C17orf50: variants seen among roughly 807,000 people sequenced by gnomAD.
The protein encoded by C17orf50 is uncharacterized protein C17orf50.
C17orf50 carries 16 observed loss-of-function variants against 17.7 expected under a neutral mutation model. The observed-to-expected ratio is 0.90, with a 90% CI of 0.61 to 1.37. The LOEUF (loss-of-function observed/expected upper bound fraction) is 1.37, where lower values mean the gene tolerates loss of function less well. C17orf50 is among the 40% of genes most tolerant of loss of function. The pLI is 0.00. For synonymous variants in C17orf50, 125 were observed against 111.0 expected (o/e 1.13, Z -0.80); for missense variants, 271 against 240.7 (o/e 1.13, Z -0.83).
At chr17:35,761,138 C>T (rs1448010436) in intron 1 of C17orf50, among the ~76,000 whole-genome samples, 184 bp downstream of exon 1, 7 of 140,710 alleles carry the variant, frequency 5.0e-5, no homozygotes, top group Non-Finnish European at 1.1e-4. Context: ...GAGTCTTGCT[C>T]TATCACCCAG....
chr17:35,762,190 T>G (rs1273721609), intron 1 of C17orf50, among the ~76,000 whole-genome samples: 1 of 152,018 alleles, frequency 6.6e-6, no homozygotes, highest in East Asian at 1.9e-4. Context: ...GGGTTTCTCC[T>G]TGTTGGTCAG....
In C17orf50 at chr17:35,764,036, A is replaced by G; in HGVS notation, c.43A>G (p.Thr15Ala). The change falls in exon 2 of 3, where the codon ACG becomes GCG. Residue 15 changes from threonine (T) to alanine (A), a missense_variant. Thr to Ala is a moderately conservative substitution (Grantham distance 58, BLOSUM62 0). Coordinates refer to ENST00000605587, the MANE Select transcript of C17orf50 (RefSeq NM_145272.4). ...GVKTPLWKKETEELRAEDAEQ... is the reference protein window; with the variant it reads ...GVKTPLWKKEAEELRAEDAEQ... ...GAAGACCCCCTTGTGGAAGAAGGAA[A>G]CGGAAGAGCTCCGGGCCGAGGACGC... The G allele has an allele frequency of 1.9e-6, 3 of 1,547,526 alleles. No individual in the cohort carries two copies. The highest frequency in any genetic ancestry group is 2.0e-5 in the Admixed American group (1 of 50,792).
rs892978386 is a variant in C17orf50, at chr17:35,764,343, G to A, written c.332+18G>A. 1.4e-5 allele frequency: 20 copies of A among 1,461,290 alleles called. No individual in the cohort carries two copies. The highest frequency in any genetic ancestry group is 2.9e-5 in the African/African-American group (2 of 68,140). 90.5% of individuals were successfully genotyped at this position (1,461,290 alleles called of 1,614,324 possible). ...ACCGACAGGTGCCTGCGCGCTCCTC[G>A]ACCGGGGCACGAGGGAGGCGGTGCC... is the stretch of plus-strand genomic sequence containing the variant. On this transcript the variant is annotated intron_variant, in intron 2 of 2. Coordinates refer to ENST00000605587, the MANE Select transcript of C17orf50 (RefSeq NM_145272.4).
chr17:35,761,086 T>C, intron 1 of C17orf50, 132 bp downstream of exon 1: 1 of 971,596 alleles, frequency 1.0e-6, no homozygotes, highest in Non-Finnish European at 1.5e-6. Flanking sequence ...GCCCTCTCCT[T>C]TCGCCTTCCT....
chr17:35,764,529 A>G lies in C17orf50; in HGVS notation c.436A>G (p.Arg146Gly), dbSNP rs1192703901. Residue 146 changes from arginine to glycine, a missense_variant, in exon 3 of 3, where the codon AGG becomes GGG. Coordinates refer to ENST00000605587, the MANE Select transcript of C17orf50 (RefSeq NM_145272.4). The part of the protein sequence containing the change: ...CCELLFCKKC[R>G]SLHSHPAYVA... ...CGAGCTCCTCTTCTGCAAGAAATGC[A>G]GGAGTCTGCACAGCCACCCAGCCTA... is the stretch of plus-strand genomic sequence containing the variant. 1.9e-6 allele frequency: 3 copies of G among 1,600,046 alleles called. No homozygotes were observed. The highest frequency in any genetic ancestry group is 2.6e-6 in the Non-Finnish European group (3 of 1,175,788).
Position 35,764,480 on chromosome 17 carries a change from G to GC in C17orf50, c.388dup (p.Arg130ProfsTer38). Reference sequence around the variant, plus strand: ...TGCTGGAGATCCGGCGACGACCGCCGCGCCGCGGGGGCTGTGCTTGCTGCG... The same window carrying GC: ...TGCTGGAGATCCGGCGACGACCGCCGCCGCCGCGGGGGCTGTGCTTGCTGCG... On this transcript the variant is annotated frameshift_variant, in exon 3 of 3. Transcript: ENST00000605587. LOFTEE classifies it high-confidence loss of function. The GC allele has an allele frequency of 6.4e-7, 1 of 1,569,436 alleles. No individual in the cohort carries two copies. The highest frequency in any genetic ancestry group is 8.6e-7 in the Non-Finnish European group (1 of 1,160,314).
intron 1 of C17orf50, among the ~76,000 whole-genome samples, chr17:35,761,790 G>A (rs1348227335): frequency 1.3e-5 from 2 of 152,080 alleles, no homozygotes; most frequent in African/African-American, 2.4e-5. Context: ...ATTCCATAGC[G>A]CAGCACTCAA....
Position 35,764,504 on chromosome 17 carries a change from C to G in C17orf50, c.411C>G (p.Cys137Trp). 1 of 1,589,640 alleles carries G rather than the reference C, an allele frequency of 6.3e-7. No homozygotes were observed. The change falls in exon 3 of 3, where the codon TGC becomes TGG. Residue 137 changes from cysteine (C) to tryptophan (W), a missense_variant. Transcript: ENST00000605587. ...RPPRRGGCAC[C>W]ELLFCKKCRS... ...CGCGCCGCGGGGGCTGTGCTTGCTG[C>G]GAGCTCCTCTTCTGCAAGAAATGCA...
intron 1 of C17orf50, among the ~76,000 whole-genome samples, chr17:35,762,196 G>T (rs1193854850): frequency 1.3e-5 from 2 of 151,964 alleles, no homozygotes; most frequent in African/African-American, 4.8e-5. Flanking sequence ...CTCCTTGTTG[G>T]TCAGGCTGGT....
At chr17:35,761,502 C>G (rs1555601510) in intron 1 of C17orf50, among the ~76,000 whole-genome samples, 1 of 152,050 alleles carries the variant, frequency 6.6e-6, no homozygotes, top group East Asian at 1.9e-4. Context: ...CAGTCTCAAC[C>G]TCCCAGGCAC....
chr17:35,764,289 T>C lies in C17orf50; in HGVS notation c.296T>C (p.Leu99Ser). Residue 99 changes from leucine to serine, a missense_variant, in exon 2 of 3, where the codon TTA becomes TCA. Coordinates refer to ENST00000605587, the MANE Select transcript of C17orf50 (RefSeq NM_145272.4). ...GGCTTCTGGGGCTGGCTCGGCCCCT[T>C]AGCGCTGCTGGGCGGCCTAACAGCT... ...DSGFWGWLGP[L>S]ALLGGLTAPT... The C allele has an allele frequency of 2.6e-6, 4 of 1,525,322 alleles. No individual in the cohort carries two copies. The highest frequency in any genetic ancestry group is 2.6e-6 in the Non-Finnish European group (3 of 1,138,154). The allele number at this position is 1,525,322 out of a possible 1,614,324, so 94.5% of individuals were successfully genotyped here.
Position 35,763,988 on chromosome 17 carries a change from A to ACCT in C17orf50, c.14-13_14-11dup, listed in dbSNP as rs1355903220. On this transcript the variant is annotated intron_variant, in intron 1 of 2. Coordinates refer to ENST00000605587, the MANE Select transcript of C17orf50 (RefSeq NM_145272.4). ...TCTCGGGGACAGCAGGACTGCCCTG[A>ACCT]CCTCCTCCCGGCCCGCAGGTGTGAA... 3.3e-6 allele frequency: 5 copies of ACCT among 1,525,492 alleles called. No individual in the cohort carries two copies. In the African/African-American group the frequency reaches 4.2e-5, roughly 13 times the overall value. 94.5% of individuals were successfully genotyped at this position (1,525,492 alleles called of 1,614,324 possible). A position where few individuals can be genotyped will look rare whatever the true frequency, so the allele number is the denominator to read the frequency against.
At chr17:35,761,337 C>T (rs1461540773) in intron 1 of C17orf50, among the ~76,000 whole-genome samples, 2 of 151,772 alleles carry the variant, frequency 1.3e-5, no homozygotes, top group Non-Finnish European at 2.9e-5. Context: ...TCGCGAACTC[C>T]TGACCTCAAG....
chr17:35,764,355 A>G (rs905582189), intron 2 of C17orf50, 30 bp downstream of exon 2: 3 of 1,454,750 alleles, frequency 2.1e-6, no homozygotes, highest in Non-Finnish European at 2.7e-6. Flanking sequence ...CCGGGGCACG[A>G]GGGAGGCGGT....
At chr17:35,761,426 T>G (rs1246107838) in intron 1 of C17orf50, among the ~76,000 whole-genome samples, 2 of 151,286 alleles carry the variant, frequency 1.3e-5, no homozygotes, top group East Asian at 3.9e-4. Flanking sequence ...TTTGTTTTTT[T>G]TTTTTTAGAA....
Position 35,764,677 on chromosome 17 carries a change from G to GA in C17orf50, c.*60dup, listed in dbSNP as rs377045482. On this transcript the variant is annotated 3_prime_UTR_variant, in exon 3 of 3. Transcript: ENST00000605587. ...ATTTCCTGGCCCCAGACCCCCTACC[G>GA]ACCTTCTCTCTTGGAGCGCGGAGCC... The GA allele has an allele frequency of 5.0e-4, 740 of 1,493,404 alleles. 3 individuals are homozygous for GA. In the Middle Eastern group the frequency reaches 8.2e-3, roughly 17 times the overall value. The allele number at this position is 1,493,404 out of a possible 1,614,324, so 92.5% of individuals were successfully genotyped here. A position where few individuals can be genotyped will look rare whatever the true frequency, so the allele number is the denominator to read the frequency against.
chr17:35,762,093 C>T (rs916462663), intron 1 of C17orf50, among the ~76,000 whole-genome samples: 1 of 152,082 alleles, frequency 6.6e-6, no homozygotes, highest in East Asian at 1.9e-4. Flanking sequence ...TGGGTTCAAG[C>T]GATTCTCCTG....
At position 35,764,482 on chromosome 17, in the gene C17orf50, G is replaced by A; in HGVS notation, c.389G>A (p.Arg130His). The change falls in exon 3 of 3, where the codon CGC becomes CAC. Residue 130 changes from arginine to histidine, a missense_variant. Physicochemically the swap from Arg to His is conservative, Grantham distance 29 (BLOSUM62 0). Transcript: ENST00000605587. ...CVLEIRRRPPRRGGCACCELL... is the reference protein window; with the variant it reads ...CVLEIRRRPPHRGGCACCELL... Reference sequence around the variant, plus strand: ...CTGGAGATCCGGCGACGACCGCCGCGCCGCGGGGGCTGTGCTTGCTGCGAG... The same window carrying A: ...CTGGAGATCCGGCGACGACCGCCGCACCGCGGGGGCTGTGCTTGCTGCGAG... 1.3e-6 allele frequency: 2 copies of A among 1,570,578 alleles called. No homozygotes were observed. Among genetic ancestry groups the A allele is most frequent in the South Asian group, 1.2e-5 (1 of 85,758 alleles).
chr17:35,760,889 C>A lies in C17orf50; in HGVS notation c.-53C>A. Reference sequence around the variant, plus strand: ...ACAAAGTTCTATGGGTTCTGGGCACCCTCTCACATCCCAGTCTCTGATCAG... The same window carrying A: ...ACAAAGTTCTATGGGTTCTGGGCACACTCTCACATCCCAGTCTCTGATCAG... On this transcript the variant is annotated 5_prime_UTR_variant, in exon 1 of 3. Coordinates refer to ENST00000605587, the MANE Select transcript of C17orf50 (RefSeq NM_145272.4). 1 of 1,610,748 alleles carries A rather than the reference C, an allele frequency of 6.2e-7. No homozygotes were observed. Among genetic ancestry groups the A allele is most frequent in the Non-Finnish European group, 8.5e-7 (1 of 1,178,098 alleles).
Sources: allele counts gnomAD v4.1 joint callset (sites outside exome capture counted in the v4.1 genomes callset), GRCh38; gene constraint gnomAD v4.1.1; transcripts MANE v1.5; gene names NCBI Gene and HGNC (gene_info 2026-07-23, HGNC 2026-07-21).